Variants in ZBTB20 observed in about 807,000 individuals in gnomAD.
ZBTB20 encodes the protein zinc finger and BTB domain containing 20, also known as zinc finger and BTB domain-containing protein 20.
Under a neutral mutation model 56.9 loss-of-function variants are expected in ZBTB20, and 9 were observed. The observed-to-expected ratio is 0.16, with a 90% CI of 0.10 to 0.28. ZBTB20 has a LOEUF of 0.28. Ranked by LOEUF, ZBTB20 falls within the 10% of genes least tolerant of loss-of-function variation. The pLI, the probability that ZBTB20 is intolerant of heterozygous loss-of-function variation, is 1.00. For synonymous variants in ZBTB20, 417 were observed against 420.7 expected (o/e 0.99, Z 0.11); for missense variants, 655 against 1,003.0 (o/e 0.65, Z 4.69).
intron 2 of ZBTB20, among the ~76,000 whole-genome samples, chr3:114,996,682 T>A (rs1015760846): frequency 1.3e-5 from 2 of 151,902 alleles, no homozygotes; most frequent in African/African-American, 4.8e-5. Flanking sequence ...GTATTTTTTA[T>A]AACATACACA....
chr3:114,350,690 T>C lies in ZBTB20; in HGVS notation c.1388A>G (p.Asn463Ser). 1 of 1,614,196 alleles carries C rather than the reference T, an allele frequency of 6.2e-7. No individual in the cohort carries two copies. Among genetic ancestry groups the C allele is most frequent in the Non-Finnish European group, 8.5e-7 (1 of 1,180,032 alleles). Reference protein sequence around the residue: ...DKSVLQQPSVNTSIGQPLPST... With the variant: ...DKSVLQQPSVSTSIGQPLPST... ...TGGCAATGGCTGCCCGATGGACGTG[T>C]TGACCGAAGGCTGTTGTAGGACGCT... The change falls in exon 11 of 12, where the codon AAC (asparagine) becomes AGC (serine). Residue 463 changes from asparagine to serine, a missense_variant. Asn to Ser is a conservative substitution (Grantham distance 46). Transcript: ENST00000675478.
intron 7 of ZBTB20, among the ~76,000 whole-genome samples, chr3:114,391,958 T>C (rs1559728200): frequency 1.3e-5 from 2 of 152,222 alleles, no homozygotes; most frequent in South Asian, 2.1e-4. Flanking sequence ...GTGTGTAACC[T>C]GCAAAAATAT....
chr3:114,432,129 G>A (rs2090168470), intron 7 of ZBTB20, among the ~76,000 whole-genome samples: 1 of 149,246 alleles, frequency 6.7e-6, no homozygotes, highest in African/African-American at 2.5e-5. Context: ...AGACATTAAT[G>A]TGGATTTGGG....
chr3:115,058,822 TG>T (rs1246045908), intron 2 of ZBTB20, among the ~76,000 whole-genome samples: 3 of 152,220 alleles, frequency 2.0e-5, no homozygotes, highest in Non-Finnish European at 4.4e-5. Flanking sequence ...TGCTTCATAG[TG>T]TCCCATAAAT....
chr3:114,829,644 C>T (rs999857144), intron 4 of ZBTB20, among the ~76,000 whole-genome samples: 2 of 151,832 alleles, frequency 1.3e-5, no homozygotes, highest in East Asian at 1.9e-4. Flanking sequence ...TGAATCAGCT[C>T]ACTAAAGATT....
At chr3:114,482,656 A>G (rs1396202713) in intron 7 of ZBTB20, among the ~76,000 whole-genome samples, 1 of 152,124 alleles carries the variant, frequency 6.6e-6, no homozygotes, top group African/African-American at 2.4e-5. Flanking sequence ...ACACACATAC[A>G]TGGATGTATG....
At chr3:115,100,390 G>C (rs1239732506) in intron 1 of ZBTB20, 3 of 151,668 alleles carry the variant, frequency 2.0e-5, no homozygotes, top group African/African-American at 7.3e-5. Context: ...GGGAGAGAGA[G>C]ACAGAGACAG....
chr3:114,972,410 C>T (rs919588239), intron 3 of ZBTB20, among the ~76,000 whole-genome samples: 4 of 152,134 alleles, frequency 2.6e-5, no homozygotes, highest in African/African-American at 9.7e-5. Context: ...TGCATAGTAC[C>T]ATTTCTGCAT....
intron 7 of ZBTB20, among the ~76,000 whole-genome samples, chr3:114,488,536 C>T (rs2042389528): frequency 6.6e-6 from 1 of 152,068 alleles, no homozygotes; most frequent in Admixed American, 6.5e-5. Flanking sequence ...GCATCTCATA[C>T]CTCCAGTATG....
chr3:115,143,952 C>G (rs955139363), intron 1 of ZBTB20, among the ~76,000 whole-genome samples: 1 of 152,172 alleles, frequency 6.6e-6, no homozygotes, highest in African/African-American at 2.4e-5. Context: ...TAAAAAATCT[C>G]CTCCCCTAAC....
Position 115,060,771 on chromosome 3 carries a change from T to C in ZBTB20, c.-507+10448A>G, listed in dbSNP as rs72943872. Among the ~76,000 whole-genome samples, 892 of 152,254 alleles carry C rather than the reference T, an allele frequency of 5.9e-3. 13 individuals are homozygous for C. The highest frequency in any genetic ancestry group is 0.021 in the African/African-American group (862 of 41,558). On this transcript the variant is annotated intron_variant, in intron 2 of 11. Coordinates refer to ENST00000675478, the MANE Select transcript of ZBTB20 (RefSeq NM_001348800.3). ...CCTTGTTTACACCAAGATACATATGTTTGCAAAATTTTCTTAGCTAACAAC... is the reference window on the plus strand; with the variant it reads ...CCTTGTTTACACCAAGATACATATGCTTGCAAAATTTTCTTAGCTAACAAC...
intron 3 of ZBTB20, among the ~76,000 whole-genome samples, chr3:114,914,857 T>C (rs1478838194): frequency 6.6e-6 from 1 of 151,902 alleles, no homozygotes. Context: ...ATTCTGTTGA[T>C]ATGTGGTATT....
rs1380868957 is a variant in ZBTB20, at chr3:114,995,766, A to G, written c.-506-21350T>C. The stretch of plus-strand genomic sequence containing the variant: ...CTGGTCTATTGCAAGAAATATACTC[A>G]TTTTCAAACTTAGTATTAATATATT... On this transcript the variant is annotated intron_variant, in intron 2 of 11. Transcript: ENST00000675478. Among the ~76,000 whole-genome samples the G allele has an allele frequency of 2.0e-5, 3 of 151,904 alleles. No individual in the cohort carries two copies. In the East Asian group the frequency reaches 5.8e-4, roughly 30 times the overall value.
intron 5 of ZBTB20, among the ~76,000 whole-genome samples, chr3:114,766,198 A>G (rs2108721802): frequency 6.6e-6 from 1 of 152,242 alleles, no homozygotes. Flanking sequence ...GACTGAACAA[A>G]GCAAGAGTAA....
In ZBTB20 at chr3:115,147,258, C is replaced by A. The variant is rs1296747943; in HGVS notation, c.-742G>T. ...TAATCTTCTTTCCTCAACTCCTAAA[C>A]TTCCCCCCGCCCCTACTTCTTCGGC... is the stretch of plus-strand genomic sequence containing the variant. On this transcript the variant is annotated 5_prime_UTR_variant, in exon 1 of 12. Transcript: ENST00000675478. The A allele has an allele frequency of 1.3e-5, 2 of 151,956 alleles. No individual in the cohort carries two copies. Among genetic ancestry groups the A allele is most frequent in the Admixed American group, 6.6e-5 (1 of 15,236 alleles). The allele number at this position is 151,956 out of a possible 1,614,324, so 9.4% of individuals were successfully genotyped here. A position where few individuals can be genotyped will look rare whatever the true frequency, so the allele number is the denominator to read the frequency against.
At chr3:114,942,702 C>T (rs2076759690) in intron 3 of ZBTB20, among the ~76,000 whole-genome samples, 1 of 145,808 alleles carries the variant, frequency 6.9e-6, no homozygotes, top group Non-Finnish European at 1.5e-5. Context: ...CAATTTAAAA[C>T]TCAATAGTCT....
intron 7 of ZBTB20, among the ~76,000 whole-genome samples, chr3:114,406,279 T>C (rs1244288116): frequency 6.6e-6 from 1 of 152,166 alleles, no homozygotes; most frequent in East Asian, 1.9e-4. Context: ...AGCCTAATTC[T>C]TTATCATTTG....
At chr3:114,636,730 A>G (rs935243901) in intron 6 of ZBTB20, among the ~76,000 whole-genome samples, 1 of 152,048 alleles carries the variant, frequency 6.6e-6, no homozygotes, top group Non-Finnish European at 1.5e-5. Context: ...ATCAAATCAC[A>G]AAAAAAGACA....
At chr3:115,062,904 T>C (rs567143669) in intron 2 of ZBTB20, among the ~76,000 whole-genome samples, 44 of 152,344 alleles carry the variant, frequency 2.9e-4, no homozygotes, top group African/African-American at 1.0e-3. Context: ...AGGGAAACTA[T>C]TCTTTCTTTA....
Sources: gnomAD v4.1 joint callset for allele counts (sites outside exome capture counted in the v4.1 genomes callset) on GRCh38, gnomAD v4.1.1 for gene constraint, MANE v1.5 for transcripts, NCBI Gene and HGNC (gene_info 2026-07-23, HGNC 2026-07-21) for gene names.